Variants in ASCC1 observed in about 807,000 individuals in gnomAD.
ASCC1 encodes activating signal cointegrator 1 complex subunit 1.
Under a neutral mutation model 46.6 loss-of-function variants are expected in ASCC1, and 35 were observed. That is an observed-to-expected ratio of 0.75 (90% confidence interval 0.57 to 0.99). ASCC1 has a LOEUF of 0.99. Ranked by LOEUF, ASCC1 falls within the 50% of genes least tolerant of loss-of-function variation. The pLI is 0.00. For missense variants in ASCC1, 376 were observed against 428.7 expected (o/e 0.88, Z 1.09); for synonymous variants, 143 against 146.6 (o/e 0.98, Z 0.18).
At chr10:72,132,954 G>C in intron 8 of ASCC1, 103 bp downstream of exon 8, 1 of 1,466,844 alleles carries the variant, frequency 6.8e-7, no homozygotes, top group South Asian at 1.2e-5. Context: ...GTCTAAAAAA[G>C]AAGCTATATC....
chr10:72,149,696 T>C (rs1589355776), intron 7 of ASCC1, among the ~76,000 whole-genome samples: 1 of 152,198 alleles, frequency 6.6e-6, no homozygotes, highest in Non-Finnish European at 1.5e-5. Flanking sequence ...ACATAGTACA[T>C]TGTAGTTCTA....
intron 5 of ASCC1, among the ~76,000 whole-genome samples, chr10:72,166,239 T>C (rs1850322387): frequency 6.6e-6 from 1 of 152,146 alleles, no homozygotes; most frequent in Non-Finnish European, 1.5e-5. Context: ...AATAAATGGA[T>C]CTAATCACTA....
chr10:72,197,515 A>C (rs575720778), intron 4 of ASCC1, among the ~76,000 whole-genome samples: 1 of 152,094 alleles, frequency 6.6e-6, no homozygotes, highest in Non-Finnish European at 1.5e-5. Flanking sequence ...GACAGCTTAT[A>C]AAGTAGAAAA....
intron 2 of ASCC1, among the ~76,000 whole-genome samples, chr10:72,212,550 T>C (rs919854147): frequency 2.0e-5 from 3 of 152,116 alleles, no homozygotes; most frequent in African/African-American, 7.2e-5. Context: ...CAAAAATTTA[T>C]ACATAATTAC....
Position 72,142,019 on chromosome 10 carries a change from T to C in ASCC1, c.747-8838A>G, listed in dbSNP as rs561068187. Among the ~76,000 whole-genome samples the C allele has an allele frequency of 2.2e-4, 33 of 152,352 alleles. No homozygotes were observed. In the South Asian group the frequency reaches 6.2e-3, roughly 29 times the overall value. ...GCCAAAACTGTCAGAACAATGTGTT[T>C]AATATTAATGATAAATGTAGGCAAC... On this transcript the variant is annotated intron_variant, in intron 7 of 9. Transcript: ENST00000672957.
At chr10:72,170,418 A>T (rs2096755500) in intron 5 of ASCC1, among the ~76,000 whole-genome samples, 1 of 152,032 alleles carries the variant, frequency 6.6e-6, no homozygotes, top group Non-Finnish European at 1.5e-5. Context: ...GACAGATCAA[A>T]AGTGAGAAGC....
chr10:72,182,766 A>G (rs1226753578), intron 5 of ASCC1, among the ~76,000 whole-genome samples: 3 of 151,436 alleles, frequency 2.0e-5, no homozygotes, highest in African/African-American at 4.9e-5. Flanking sequence ...ACTTGAGGCC[A>G]GGAGCTTGAG....
intron 5 of ASCC1, chr10:72,190,579 T>C: frequency 7.6e-7 from 1 of 1,319,270 alleles, no homozygotes; most frequent in Non-Finnish European, 1.0e-6. Context: ...ATCGCTAATA[T>C]AAGTAAAGTT....
At chr10:72,123,930 C>A (rs1159116122) in intron 9 of ASCC1, among the ~76,000 whole-genome samples, 1 of 152,124 alleles carries the variant, frequency 6.6e-6, no homozygotes, top group Admixed American at 6.5e-5. Context: ...TAAATATACA[C>A]ATATATATTT....
chr10:72,141,171 C>T (rs1478642854), intron 7 of ASCC1, among the ~76,000 whole-genome samples: 1 of 151,844 alleles, frequency 6.6e-6, no homozygotes, highest in African/African-American at 2.4e-5. Context: ...ACTTGTTATC[C>T]ACAAATAACG....
intron 7 of ASCC1, chr10:72,133,695 C>A: frequency 5.8e-6 from 1 of 173,620 alleles, no homozygotes; most frequent in Non-Finnish European, 1.2e-5. Context: ...AGGGAAGCCA[C>A]AGAAAGACTT....
intron 3 of ASCC1, among the ~76,000 whole-genome samples, chr10:72,205,187 T>C (rs937997103): frequency 2.0e-5 from 3 of 151,682 alleles, no homozygotes; most frequent in Non-Finnish European, 4.4e-5. Flanking sequence ...AAAATAAAAA[T>C]AGGCCAGGTG....
chr10:72,213,022 C>CA (rs1407792587), intron 2 of ASCC1, among the ~76,000 whole-genome samples, 165 bp downstream of exon 2: 61 of 152,250 alleles, frequency 4.0e-4, no homozygotes, highest in African/African-American at 1.4e-3. Context: ...CAGCTAAACT[C>CA]AAACTCATCA....
intron 1 of ASCC1, 181 bp downstream of exon 1, chr10:72,216,026 G>T (rs1859191298): frequency 1.3e-5 from 2 of 152,342 alleles, no homozygotes. Context: ...CGCCTTCGCC[G>T]CTGGCTCCGT....
intron 5 of ASCC1, among the ~76,000 whole-genome samples, chr10:72,164,607 T>C (rs1445653425): frequency 1.3e-5 from 2 of 152,254 alleles, no homozygotes; most frequent in Admixed American, 1.3e-4. Context: ...TGTACAAATT[T>C]CTGTGTTAAC....
In ASCC1 at chr10:72,177,658, T is replaced by C. The variant is rs141909631; in HGVS notation, c.490-15984A>G. Among the ~76,000 whole-genome samples the C allele has an allele frequency of 5.4e-3, 818 of 152,346 alleles. 2 individuals carry two copies. Among genetic ancestry groups the C allele is most frequent in the Middle Eastern group, 0.01 (3 of 294 alleles). ...GTTTTGAATTACCGTTTTTCATTAC[T>C]GATGTGCTTTCTACTGGACCCTGCT... is the stretch of plus-strand genomic sequence containing the variant. On this transcript the variant is annotated intron_variant, in intron 5 of 9. Coordinates refer to ENST00000672957, the MANE Select transcript of ASCC1 (RefSeq NM_001198800.3).
intron 9 of ASCC1, among the ~76,000 whole-genome samples, chr10:72,127,608 T>C (rs183568125): frequency 6.6e-6 from 1 of 151,448 alleles, no homozygotes; most frequent in East Asian, 1.9e-4. Flanking sequence ...GAGTAAAACT[T>C]AGGTTGAAAT....
At position 72,210,696 on chromosome 10, in the gene ASCC1, G is replaced by A. The variant is rs1441197617; in HGVS notation, c.212+36C>T. 2.5e-6 allele frequency: 4 copies of A among 1,575,972 alleles called. No homozygotes were observed. In the African/African-American group the frequency reaches 4.0e-5, roughly 16 times the overall value. On this transcript the variant is annotated intron_variant, in intron 3 of 9. Coordinates refer to ENST00000672957, the MANE Select transcript of ASCC1 (RefSeq NM_001198800.3). ...CCACTTCCCGCTGAGTTTCCTGGAA[G>A]TGTCTTCCCATGAAACTGTTGGGGA...
chr10:72,166,553 A>G (rs1341613950), intron 5 of ASCC1, among the ~76,000 whole-genome samples: 1 of 152,038 alleles, frequency 6.6e-6, no homozygotes, highest in East Asian at 1.9e-4. Flanking sequence ...ATGACACCAA[A>G]AGCATAATCC....
Sources: allele counts gnomAD v4.1 joint callset (sites outside exome capture counted in the v4.1 genomes callset), GRCh38; gene constraint gnomAD v4.1.1; transcripts MANE v1.5; gene names NCBI Gene and HGNC (gene_info 2026-07-23, HGNC 2026-07-21).